PLAC1: variants seen among roughly 807,000 people sequenced by gnomAD.
The protein encoded by PLAC1 is placenta associated 1.
For synonymous variants in PLAC1, 68 were observed against 62.1 expected (o/e 1.09, Z -0.44); for missense variants, 136 against 163.2 (o/e 0.83, Z 0.91).
chrX:134,663,407 C>T (rs1359751480), upstream of PLAC1, among the ~76,000 whole-genome samples: 7 of 104,948 alleles, frequency 6.7e-5, no homozygotes, highest in African/African-American at 1.7e-4. Context: ...TTTTGGATCA[C>T]GTGCCACACA....
chrX:134,750,899 T>A (rs866810020), intron 1 of PLAC1, among the ~76,000 whole-genome samples: 1 of 11,138 alleles, frequency 9.0e-5, no homozygotes, highest in African/African-American at 6.1e-4. Flanking sequence ...ATATATATAT[T>A]TATATATATA....
chrX:134,660,062 A>C (rs936660733), upstream of PLAC1, among the ~76,000 whole-genome samples: 24 of 110,621 alleles, frequency 2.2e-4, no homozygotes, highest in African/African-American at 7.9e-4. Flanking sequence ...TAATAAGAAA[A>C]TCTAAAAGGG....
chrX:134,585,106 C>T lies in PLAC1; in HGVS notation c.-59+16945G>A, dbSNP rs959039394. Among the ~76,000 whole-genome samples, 62 of 96,654 alleles carry T rather than the reference C, an allele frequency of 6.4e-4. 1 individual carries two copies. Among genetic ancestry groups the T allele is most frequent in the African/African-American group, 2.1e-3 (55 of 25,839 alleles). The allele number at this position is 96,654 out of a possible 115,157, so 83.9% of individuals were successfully genotyped here. ...CAGCACTTTGGGAGGCTGAAGCGGG[C>T]GGATCACGAGGTCAGGAGATCGAGA... On this transcript the variant is annotated intron_variant, in intron 2 of 2. Transcript: ENST00000359237.
chrX:134,599,879 C>G, intron 2 of PLAC1, among the ~76,000 whole-genome samples: 1 of 111,431 alleles, frequency 9.0e-6, no homozygotes, highest in South Asian at 3.8e-4. Flanking sequence ...ATCTTAAAGC[C>G]ATTGGATTTT....
At chrX:134,667,453 C>T (rs938079581) in intron 2 of PLAC1, among the ~76,000 whole-genome samples, 3 of 112,223 alleles carry the variant, frequency 2.7e-5, no homozygotes, top group Non-Finnish European at 5.6e-5. Context: ...TAGGGTAATG[C>T]AATTCCAAGC....
intron 2 of PLAC1, among the ~76,000 whole-genome samples, chrX:134,574,549 T>G (rs1461104119): frequency 8.9e-6 from 1 of 112,063 alleles, no homozygotes; most frequent in Non-Finnish European, 1.9e-5. Flanking sequence ...TCTAGGATCA[T>G]TGATGCCAAG....
chrX:134,704,086 T>A (rs2078592775), intron 2 of PLAC1, among the ~76,000 whole-genome samples: 1 of 106,000 alleles, frequency 9.4e-6, no homozygotes, highest in African/African-American at 3.4e-5. Flanking sequence ...AGGTGACCAC[T>A]AAATTAACAG....
intron 2 of PLAC1, among the ~76,000 whole-genome samples, chrX:134,569,777 TGTGTGTGTGTTTGTG>T (rs1569373076): frequency 2.9e-5 from 3 of 104,036 alleles, no homozygotes; most frequent in African/African-American, 1.1e-4. Context: ...TGTGTGTGTG[TGTGTGTGTGTTTGTG>T]TGTGTGTGTG....
intron 2 of PLAC1, among the ~76,000 whole-genome samples, chrX:134,574,480 T>C (rs974013708): frequency 2.7e-5 from 3 of 111,565 alleles, no homozygotes; most frequent in African/African-American, 9.8e-5. Flanking sequence ...CTATAATAGT[T>C]AGAGAGTACA....
intron 2 of PLAC1, among the ~76,000 whole-genome samples, chrX:134,567,247 A>T (rs1569372435): frequency 1.8e-5 from 2 of 112,193 alleles, no homozygotes; most frequent in Non-Finnish European, 3.8e-5. Context: ...ATTCTTAACA[A>T]CCAGATATTG....
In PLAC1 at chrX:134,574,505, G is replaced by A. The variant is rs557879077; in HGVS notation, c.-58-7765C>T. Among the ~76,000 whole-genome samples, 46 of 111,553 alleles carry A rather than the reference G, an allele frequency of 4.1e-4. No homozygotes were observed. The South Asian group carries it at 0.012, about 28-fold the overall frequency. Reference sequence around the variant, plus strand: ...TAGAGAGTACAGAGTCCTAACAAGCGTCCTGGCCTGTCCACTTGCACACCT... The same window carrying A: ...TAGAGAGTACAGAGTCCTAACAAGCATCCTGGCCTGTCCACTTGCACACCT... On this transcript the variant is annotated intron_variant, in intron 2 of 2. Coordinates refer to ENST00000359237, the MANE Select transcript of PLAC1 (RefSeq NM_021796.4).
chrX:134,611,023 T>C (rs941704399), intron 1 of PLAC1, among the ~76,000 whole-genome samples: 2 of 109,523 alleles, frequency 1.8e-5, no homozygotes, highest in Non-Finnish European at 3.8e-5. Context: ...GGATTATAGG[T>C]ATGCACCACC....
chrX:134,706,658 C>T (rs2078605564), intron 2 of PLAC1, among the ~76,000 whole-genome samples: 1 of 111,613 alleles, frequency 9.0e-6, no homozygotes, highest in Non-Finnish European at 1.9e-5. Context: ...TCATAAGAAC[C>T]TTTGAACAAG....
At chrX:134,669,297 C>G (rs754722722) in intron 2 of PLAC1, among the ~76,000 whole-genome samples, 8 of 112,038 alleles carry the variant, frequency 7.1e-5, no homozygotes, top group Admixed American at 2.8e-4. Context: ...TATTTTGGAG[C>G]CAGAAAGCTT....
chrX:134,571,305 T>C (rs1377000662), intron 2 of PLAC1, among the ~76,000 whole-genome samples: 1 of 112,299 alleles, frequency 8.9e-6, no homozygotes, highest in Non-Finnish European at 1.9e-5. Flanking sequence ...CATGTAACAA[T>C]GATCTATGTT....
intron 2 of PLAC1, among the ~76,000 whole-genome samples, chrX:134,573,600 T>C (rs1680272481): frequency 8.9e-6 from 1 of 111,863 alleles, no homozygotes; most frequent in Non-Finnish European, 1.9e-5. Flanking sequence ...CCTGTGTCAA[T>C]AAATGAGGGC....
rs2078348020 is a variant in PLAC1 at position 134,648,911 on chromosome X, C to T, written c.-131+9417G>A. On this transcript the variant is annotated intron_variant, in intron 1 of 2. Coordinates refer to ENST00000359237, the MANE Select transcript of PLAC1 (RefSeq NM_021796.4). ...GATGGTTCAACATGAATTTTGTGGG[C>T]CAGTTTGTTAAATATAGCCATTGTT... is the stretch of plus-strand genomic sequence containing the variant. Among the ~76,000 whole-genome samples, 6 of 111,293 alleles carry T rather than the reference C, an allele frequency of 5.4e-5. No homozygotes were observed. In the South Asian group the frequency reaches 2.3e-3, roughly 42 times the overall value.
At chrX:134,687,497 G>A (rs1285317483) in intron 2 of PLAC1, among the ~76,000 whole-genome samples, 1 of 109,729 alleles carries the variant, frequency 9.1e-6, no homozygotes, top group Non-Finnish European at 1.9e-5. Flanking sequence ...CCAAAAGATT[G>A]GACACCCCTG....
intron 2 of PLAC1, among the ~76,000 whole-genome samples, chrX:134,730,516 C>T (rs1469276028): frequency 1.8e-5 from 2 of 111,238 alleles, no homozygotes; most frequent in Non-Finnish European, 3.8e-5. Flanking sequence ...GCCATCATAG[C>T]TTACAGCAGC....
Sources: allele counts gnomAD v4.1 joint callset (sites outside exome capture counted in the v4.1 genomes callset), GRCh38; gene constraint gnomAD v4.1.1; transcripts MANE v1.5; gene names NCBI Gene and HGNC (gene_info 2026-07-23, HGNC 2026-07-21).